AUTS2: variants seen among roughly 807,000 people sequenced by gnomAD.
AUTS2 encodes the protein activator of transcription and developmental regulator AUTS2.
Under a neutral mutation model 112.4 loss-of-function variants are expected in AUTS2, and 17 were observed. The ratio of observed to expected loss-of-function variants is 0.15; its 90% CI spans 0.10 to 0.23. AUTS2 has a LOEUF of 0.23. Ranked by LOEUF, AUTS2 falls within the 10% of genes least tolerant of loss-of-function variation. The pLI, the probability that AUTS2 is intolerant of heterozygous loss-of-function variation, is 1.00. For missense variants in AUTS2, 1,510 were observed against 1,701.6 expected (o/e 0.89, Z 1.98); for synonymous variants, 751 against 702.7 (o/e 1.07, Z -1.09).
At chr7:70,788,547 G>T (rs995339829) in intron 18 of AUTS2, among the ~76,000 whole-genome samples, 3 of 152,312 alleles carry the variant, frequency 2.0e-5, no homozygotes, top group African/African-American at 7.2e-5. Context: ...ACCCTAGGCC[G>T]CGAGCTCTCT....
At chr7:70,167,683 G>A (rs1199725891) in intron 4 of AUTS2, among the ~76,000 whole-genome samples, 1 of 152,170 alleles carries the variant, frequency 6.6e-6, no homozygotes, top group Admixed American at 6.5e-5. Flanking sequence ...TTCAATAAGT[G>A]TAAAAGCATT....
intron 2 of AUTS2, among the ~76,000 whole-genome samples, chr7:69,953,329 G>A (rs994317186): frequency 2.0e-5 from 3 of 152,102 alleles, no homozygotes; most frequent in Non-Finnish European, 2.9e-5. Context: ...ATTTAGCCTA[G>A]ATTCTGGCAG....
At chr7:70,063,015 C>G (rs1395872555) in intron 2 of AUTS2, among the ~76,000 whole-genome samples, 1 of 152,134 alleles carries the variant, frequency 6.6e-6, no homozygotes, top group Non-Finnish European at 1.5e-5. Context: ...AACTGCTAAG[C>G]GAGCCCTTTT....
intron 6 of AUTS2, among the ~76,000 whole-genome samples, chr7:70,736,495 G>A (rs1485358181): frequency 2.0e-5 from 3 of 152,222 alleles, no homozygotes; most frequent in Non-Finnish European, 4.4e-5. Flanking sequence ...CTGTGATGTG[G>A]TTGGAGTAAT....
At chr7:69,773,670 G>A (rs1055351008) in intron 1 of AUTS2, among the ~76,000 whole-genome samples, 3 of 151,568 alleles carry the variant, frequency 2.0e-5, no homozygotes, top group Admixed American at 6.5e-5. Context: ...GGAAGCAGGC[G>A]GTGCTTCAGT....
intron 14 of AUTS2, among the ~76,000 whole-genome samples, chr7:70,780,803 G>C (rs1197701887): frequency 6.6e-6 from 1 of 152,158 alleles, no homozygotes; most frequent in Non-Finnish European, 1.5e-5. Context: ...TTGAAAGTTA[G>C]CTTATAGACA....
Position 70,630,557 on chromosome 7 carries a change from T to C in AUTS2, c.691-68012T>C, listed in dbSNP as rs554822508. On this transcript the variant is annotated intron_variant, in intron 5 of 18. Coordinates refer to ENST00000342771, the MANE Select transcript of AUTS2 (RefSeq NM_015570.4). ...GCCCCTGGTTTTCTTTCTCTCTCTT[T>C]CCTGCTCTTCCTCTCCTGCCTGCTG... Among the ~76,000 whole-genome samples the C allele has an allele frequency of 1.8e-3, 268 of 152,202 alleles. 4 individuals carry two copies. Among genetic ancestry groups the C allele is most frequent in the South Asian group, 7.7e-3 (37 of 4,820 alleles).
chr7:70,434,022 C>G (rs1360263873), intron 4 of AUTS2, among the ~76,000 whole-genome samples: 1 of 152,178 alleles, frequency 6.6e-6, no homozygotes, highest in Non-Finnish European at 1.5e-5. Flanking sequence ...TGGTCCCACT[C>G]TGTTGTTTTT....
intron 6 of AUTS2, among the ~76,000 whole-genome samples, chr7:70,747,244 T>C (rs912495080): frequency 1.3e-5 from 2 of 152,224 alleles, no homozygotes; most frequent in Admixed American, 1.3e-4. Context: ...TGCAGGAAAG[T>C]AGAAGTCATT....
At chr7:70,490,430 G>T (rs1798186490) in intron 5 of AUTS2, among the ~76,000 whole-genome samples, 1 of 151,924 alleles carries the variant, frequency 6.6e-6, no homozygotes, top group African/African-American at 2.4e-5. Context: ...TTCTGTGTGG[G>T]TTTGTGGGGT....
chr7:69,635,363 T>C (rs1389436368), intron 1 of AUTS2, among the ~76,000 whole-genome samples: 1 of 152,238 alleles, frequency 6.6e-6, no homozygotes, highest in Non-Finnish European at 1.5e-5. Context: ...CTGCCAGTTT[T>C]AAGGGACTGA....
At chr7:70,273,099 A>G (rs1325794756) in intron 4 of AUTS2, among the ~76,000 whole-genome samples, 3 of 152,192 alleles carry the variant, frequency 2.0e-5, no homozygotes, top group Admixed American at 1.3e-4. Flanking sequence ...CCCAGTCTGG[A>G]GTGCAGTGGC....
intron 5 of AUTS2, among the ~76,000 whole-genome samples, chr7:70,595,539 G>GCT (rs35445575): frequency 0.11 from 16,113 of 151,900 alleles, 1,336 homozygotes; most frequent in African/African-American, 0.22. Flanking sequence ...TGAGGGTGGA[G>GCT]CTCTCTGTAA....
intron 2 of AUTS2, among the ~76,000 whole-genome samples, chr7:69,924,030 AG>A (rs1409204368): frequency 6.6e-6 from 1 of 152,168 alleles, no homozygotes; most frequent in East Asian, 1.9e-4. Flanking sequence ...TCCTGATTTT[AG>A]GGGGAAAGAC....
chr7:69,846,956 G>A (rs1792230390), intron 1 of AUTS2, among the ~76,000 whole-genome samples: 2 of 152,148 alleles, frequency 1.3e-5, no homozygotes, highest in African/African-American at 4.8e-5. Context: ...AGTCATTTGA[G>A]CAAAGTTATA....
chr7:69,737,559 G>T (rs530490480), intron 1 of AUTS2, among the ~76,000 whole-genome samples: 1 of 152,136 alleles, frequency 6.6e-6, no homozygotes, highest in African/African-American at 2.4e-5. Context: ...GGAACAGTGG[G>T]CATCAGTTGC....
intron 1 of AUTS2, among the ~76,000 whole-genome samples, chr7:69,744,556 G>A (rs1584174684): frequency 6.6e-6 from 1 of 152,024 alleles, no homozygotes; most frequent in East Asian, 1.9e-4. Flanking sequence ...TGTAGGTCCA[G>A]GTGTGATGGC....
intron 5 of AUTS2, among the ~76,000 whole-genome samples, chr7:70,527,085 AC>A (rs1392103768): frequency 6.6e-6 from 1 of 152,172 alleles, no homozygotes; most frequent in African/African-American, 2.4e-5. Flanking sequence ...CCTGGGGTTC[AC>A]CCTTTGCTCT....
At chr7:69,627,957 T>C (rs948734432) in intron 1 of AUTS2, among the ~76,000 whole-genome samples, 1 of 152,216 alleles carries the variant, frequency 6.6e-6, no homozygotes, top group African/African-American at 2.4e-5. Flanking sequence ...GATAATGTGA[T>C]AGAACTTCTT....
Sources: gnomAD v4.1 joint callset for allele counts (sites outside exome capture counted in the v4.1 genomes callset) on GRCh38, gnomAD v4.1.1 for gene constraint, MANE v1.5 for transcripts, NCBI Gene and HGNC (gene_info 2026-07-23, HGNC 2026-07-21) for gene names.